KLC1: variants seen among roughly 807,000 people sequenced by gnomAD.
KLC1 encodes kinesin 2 60/70kDa.
KLC1 carries 30 observed loss-of-function variants against 84.2 expected under a neutral mutation model. The observed-to-expected ratio is 0.36, with a 90% CI of 0.27 to 0.48. KLC1 has a LOEUF of 0.48. KLC1 is among the 20% of genes least tolerant of loss of function. The probability of loss-of-function intolerance (pLI) is 0.99; values close to 1 mark genes in which losing one functional copy is unlikely to be tolerated. For synonymous variants in KLC1, 289 were observed against 293.3 expected, an observed-to-expected ratio of 0.99 and a Z score of 0.15; for missense variants, 499 against 805.4, an observed-to-expected ratio of 0.62 and a Z score of 4.60.
chr14:103,696,955 T>G (rs1372063455), intron 15 of KLC1: 2 of 985,268 alleles, frequency 2.0e-6, no homozygotes, highest in Admixed American at 1.2e-4. Flanking sequence ...GGGAAGCCCC[T>G]CGGCCCCTTC....
At chr14:103,663,493 A>G (rs1351116526) in intron 5 of KLC1, among the ~76,000 whole-genome samples, 2 of 152,100 alleles carry the variant, frequency 1.3e-5, no homozygotes, top group Non-Finnish European at 2.9e-5. Flanking sequence ...ACGCCAGCCA[A>G]ACGAAGCTGT....
At chr14:103,667,834 C>T (rs757329548) in intron 5 of KLC1, among the ~76,000 whole-genome samples, 3 of 152,192 alleles carry the variant, frequency 2.0e-5, no homozygotes, top group Non-Finnish European at 2.9e-5. Context: ...GCAGTTACTA[C>T]TACTCAATTG....
intron 1 of KLC1, among the ~76,000 whole-genome samples, chr14:103,638,901 G>T (rs1004710211): frequency 2.3e-5 from 3 of 132,504 alleles, no homozygotes; most frequent in Non-Finnish European, 5.1e-5. Flanking sequence ...GAGCACAAGG[G>T]TGTGTGTGTG....
chr14:103,631,074 A>T (rs954472059), intron 1 of KLC1, among the ~76,000 whole-genome samples: 1 of 151,750 alleles, frequency 6.6e-6, no homozygotes, highest in Non-Finnish European at 1.5e-5. Context: ...GCAGTCGTTT[A>T]AACTTACACA....
chr14:103,700,872 C>T (rs1225272385), intron 16 of KLC1, 145 bp downstream of exon 16: 1 of 694,932 alleles, frequency 1.4e-6, no homozygotes, highest in Non-Finnish European at 2.3e-6. Context: ...GGGCTTGGCT[C>T]AGGGTCCCCA....
chr14:103,652,578 G>A (rs1030328719), intron 1 of KLC1, among the ~76,000 whole-genome samples: 5 of 151,858 alleles, frequency 3.3e-5, no homozygotes, highest in Non-Finnish European at 7.4e-5. Flanking sequence ...TGCAACTCCT[G>A]CCTCCTGGCT....
intron 1 of KLC1, among the ~76,000 whole-genome samples, chr14:103,630,096 C>A (rs1291027855): frequency 6.6e-6 from 1 of 152,236 alleles, no homozygotes; most frequent in African/African-American, 2.4e-5. Flanking sequence ...TCCTTGGCGA[C>A]CCCTTATTTT....
chr14:103,681,393 C>G (rs566015349), intron 13 of KLC1, among the ~76,000 whole-genome samples: 1 of 152,296 alleles, frequency 6.6e-6, no homozygotes, highest in East Asian at 1.9e-4. Context: ...GCCTCCAACC[C>G]CACAACTCTA....
rs369583729 is a variant in KLC1 at position 103,692,766 on chromosome 14, C to T, written c.1848+341C>T. ...GTTTGTATGATTGTTTGATTTTAGC[C>T]TCTACTAAGTTTATAACTATTAATA... On this transcript the variant is annotated intron_variant, in intron 15 of 16. Coordinates refer to ENST00000334553, the MANE Select transcript of KLC1 (RefSeq NM_001394837.1). 2.0e-4 allele frequency among the ~76,000 whole-genome samples: 30 copies of T among 152,306 alleles called. No homozygotes were observed. The East Asian group carries it at 3.9e-3, about 20-fold the overall frequency.
At chr14:103,699,712 TC>T in intron 15 of KLC1, 1 of 796,522 alleles carries the variant, frequency 1.3e-6, no homozygotes. Context: ...TACTCTGTAG[TC>T]CCCATACTCT....
chr14:103,697,074 C>T, intron 15 of KLC1: 1 of 985,452 alleles, frequency 1.0e-6, no homozygotes. Flanking sequence ...TTTCTAATCG[C>T]TGGCATGTCT....
At chr14:103,699,663 C>T in intron 15 of KLC1, 2 of 1,380,638 alleles carry the variant, frequency 1.4e-6, no homozygotes, top group Middle Eastern at 1.8e-4. Context: ...ACTCGACCGT[C>T]TGAAAACCTT....
At chr14:103,686,752 AT>A (rs1555425064) in intron 13 of KLC1, 1 of 166,628 alleles carries the variant, frequency 6.0e-6, no homozygotes, top group Non-Finnish European at 1.3e-5. Flanking sequence ...AGCTGCTTTA[AT>A]TTTCCTGAGA....
chr14:103,700,294 G>A (rs2083051091), intron 15 of KLC1: 1 of 248,390 alleles, frequency 4.0e-6, no homozygotes, highest in African/African-American at 2.3e-5. Context: ...CAGCTCCCAG[G>A]AGAGCTTCCA....
At chr14:103,681,350 A>C (rs372991558) in intron 13 of KLC1, among the ~76,000 whole-genome samples, 1 of 152,204 alleles carries the variant, frequency 6.6e-6, no homozygotes, top group Non-Finnish European at 1.5e-5. Context: ...TGGGCAGCTG[A>C]GGCTGCCTCA....
In KLC1 at chr14:103,678,177, C is replaced by T. The variant is rs571875188; in HGVS notation, c.1488+654C>T. The stretch of plus-strand genomic sequence containing the variant: ...ACTGGGGAGGCTGAGGCAGGAGAGT[C>T]GCTTGAACTCAGGAGGCAGAGGTTG... On this transcript the variant is annotated intron_variant, in intron 12 of 16. Transcript: ENST00000334553. Among the ~76,000 whole-genome samples, 13 of 152,264 alleles carry T rather than the reference C, an allele frequency of 8.5e-5. No individual in the cohort carries two copies. The South Asian group carries it at 2.5e-3, about 29-fold the overall frequency.
chr14:103,644,353 G>T (rs1287745097), intron 1 of KLC1, among the ~76,000 whole-genome samples: 1 of 150,092 alleles, frequency 6.7e-6, no homozygotes, highest in South Asian at 2.1e-4. Context: ...TCCGCCTCCC[G>T]AGTTCAAGCA....
intron 7 of KLC1, among the ~76,000 whole-genome samples, chr14:103,670,830 C>A (rs1453338859): frequency 6.6e-6 from 1 of 151,604 alleles, no homozygotes; most frequent in East Asian, 1.9e-4. Context: ...TGCTTGTAAT[C>A]CCAGCACTTT....
chr14:103,657,773 A>G lies in KLC1; in HGVS notation c.489A>G (p.Pro163=). ...AAAAATATGATGACGACATTTCCCC[A>G]TCCGTGAGTGGCTCTGTAGCAAATG... ...QLKKYDDDIS[P]SEDKDTDSTK... Residue 163 remains proline, a synonymous_variant, in exon 3 of 17, where the codon CCA becomes CCG. Transcript: ENST00000334553. 1.2e-6 allele frequency: 2 copies of G among 1,608,618 alleles called. No homozygotes were observed. Among genetic ancestry groups the G allele is most frequent in the Non-Finnish European group, 1.7e-6 (2 of 1,175,280 alleles).
Sources: gnomAD v4.1 joint callset for allele counts (sites outside exome capture counted in the v4.1 genomes callset) on GRCh38, gnomAD v4.1.1 for gene constraint, MANE v1.5 for transcripts, NCBI Gene and HGNC (gene_info 2026-07-23, HGNC 2026-07-21) for gene names.